Variants in ANKHD1 observed in about 807,000 individuals in gnomAD.
ANKHD1 encodes the protein ankyrin repeat and KH domain containing 1, also known as ankyrin repeat and KH domain-containing protein 1.
A neutral mutation model predicts 230.5 loss-of-function variants in ANKHD1; 31 were observed. That is an observed-to-expected ratio of 0.13 (90% CI 0.10 to 0.18). The LOEUF is 0.18. Ranked by LOEUF, ANKHD1 falls within the 10% of genes least tolerant of loss-of-function variation. The pLI, the probability that ANKHD1 is intolerant of heterozygous loss-of-function variation, is 1.00. For synonymous variants in ANKHD1, 1,074 were observed against 1,117.6 expected, an observed-to-expected ratio of 0.96 and a Z score of 0.78; for missense variants, 2,256 against 3,071.3, an observed-to-expected ratio of 0.73 and a Z score of 6.27.
chr5:140,519,916 A>G (rs1193509692), intron 24 of ANKHD1, among the ~76,000 whole-genome samples: 3 of 152,154 alleles, frequency 2.0e-5, no homozygotes, highest in East Asian at 3.9e-4. Context: ...ACAAAAGCCA[A>G]AATTGACAAA....
chr5:140,462,649 C>T (rs575774625), intron 9 of ANKHD1, among the ~76,000 whole-genome samples: 5 of 139,498 alleles, frequency 3.6e-5, no homozygotes, highest in South Asian at 4.5e-4. Context: ...GGCGTGAACC[C>T]GAGAGGCAGA....
Position 140,526,335 on chromosome 5 carries a change from G to A in ANKHD1, c.4832G>A (p.Ser1611Asn), listed in dbSNP as rs770688704. The A allele has an allele frequency of 9.3e-6, 15 of 1,614,050 alleles. No individual in the cohort carries two copies. The East Asian group carries it at 3.3e-4, about 36-fold the overall frequency. ...AGTGAGAGTAGCAGTGGTGGTAAAA[G>A]CCAAGAGTTAAATTTTGTGATGGAT... is the stretch of plus-strand genomic sequence containing the variant. ...CNSESSSGGK[S>N]QELNFVMDVN... Residue 1611 changes from serine (S) to asparagine (N), a missense_variant, in exon 26 of 34, where the codon AGC (serine) becomes AAC (asparagine). By Grantham distance (46) the Ser-to-Asn change is conservative (BLOSUM62 1). Around this residue, in one of 13 missense-constraint regions of ANKHD1, gnomAD observed 212 missense variants for 257.3 expected, o/e 0.82. Coordinates refer to ENST00000360839, the MANE Select transcript of ANKHD1 (RefSeq NM_017747.3).
At chr5:140,459,496 A>G in intron 9 of ANKHD1, 141 bp downstream of exon 9, 1 of 1,098,728 alleles carries the variant, frequency 9.1e-7, no homozygotes, top group Non-Finnish European at 1.2e-6. Context: ...GGAGGAGAGT[A>G]CACAAGGAGA....
At chr5:140,499,912 G>A (rs541001336) in intron 15 of ANKHD1, among the ~76,000 whole-genome samples, 5 of 148,396 alleles carry the variant, frequency 3.4e-5, no homozygotes, top group South Asian at 2.1e-4. Flanking sequence ...TCAGTCATCC[G>A]GGCTGGAGTG....
Position 140,507,723 on chromosome 5 carries a change from T to TG in ANKHD1, c.3552-61dup. ...TTTAGTGAAACCTTTTCATCTTTAA[T>TG]GCTTTTCTAAAATAATAGGCAACAT... On this transcript the variant is annotated intron_variant, in intron 19 of 33. Transcript: ENST00000360839. The surrounding 1 kb of genome is among the most constrained non-coding windows in gnomAD (Gnocchi z 4.1). 6.4e-7 allele frequency: 1 copy of TG among 1,572,210 alleles called. No individual in the cohort carries two copies. Among genetic ancestry groups the TG allele is most frequent in the Non-Finnish European group, 8.7e-7 (1 of 1,155,768 alleles).
At position 140,529,661 on chromosome 5, in the gene ANKHD1, A is replaced by C; in HGVS notation, c.6715A>C (p.Thr2239Pro). The C allele has an allele frequency of 1.9e-6, 3 of 1,614,224 alleles. No individual in the cohort carries two copies. The highest frequency in any genetic ancestry group is 2.5e-6 in the Non-Finnish European group (3 of 1,180,048). Reference sequence around the variant, plus strand: ...TGGTCCACTGTCCTCACGAGTTGCTACAGATGCCTCTTTCACTGTTCAGTC... The same window carrying C: ...TGGTCCACTGTCCTCACGAGTTGCTCCAGATGCCTCTTTCACTGTTCAGTC... ...GDGPLSSRVATDASFTVQSAF... is the reference protein window; with the variant it reads ...GDGPLSSRVAPDASFTVQSAF... The change falls in exon 29 of 34, where the codon ACA becomes CCA. Residue 2239 changes from threonine to proline, a missense_variant. Physicochemically the swap from Thr to Pro is conservative, Grantham distance 38 (BLOSUM62 -1). Coordinates refer to ENST00000360839, the MANE Select transcript of ANKHD1 (RefSeq NM_017747.3).
chr5:140,452,830 C>T (rs541825085), intron 7 of ANKHD1, among the ~76,000 whole-genome samples: 11 of 152,284 alleles, frequency 7.2e-5, no homozygotes, highest in Non-Finnish European at 8.8e-5. Flanking sequence ...TCCAAAGGAA[C>T]GCAGCTCCTC....
At chr5:140,465,773 T>C (rs987428335) in intron 10 of ANKHD1, among the ~76,000 whole-genome samples, 1 of 152,198 alleles carries the variant, frequency 6.6e-6, no homozygotes, top group East Asian at 1.9e-4. Context: ...TTCATTCTTA[T>C]TAATTAGGAC....
At chr5:140,415,778 T>A (rs1318316488) in intron 1 of ANKHD1, among the ~76,000 whole-genome samples, 2 of 151,918 alleles carry the variant, frequency 1.3e-5, no homozygotes, top group African/African-American at 4.8e-5. Context: ...AAATTTATTT[T>A]TATTTATTTA....
chr5:140,426,973 C>G (rs540558111), intron 1 of ANKHD1, among the ~76,000 whole-genome samples: 3 of 152,230 alleles, frequency 2.0e-5, no homozygotes, highest in Admixed American at 6.5e-5. Context: ...ACCTTTCCCC[C>G]CTTTCTATTC....
At chr5:140,515,512 C>T (rs561585806) in intron 24 of ANKHD1, among the ~76,000 whole-genome samples, 1 of 152,304 alleles carries the variant, frequency 6.6e-6, no homozygotes, top group South Asian at 2.1e-4. Flanking sequence ...GCGTGAGCGA[C>T]GCAGAAGACG....
At chr5:140,466,071 G>T (rs1028506382) in intron 10 of ANKHD1, among the ~76,000 whole-genome samples, 4 of 152,124 alleles carry the variant, frequency 2.6e-5, no homozygotes, top group African/African-American at 9.7e-5. Flanking sequence ...CAAAGTCACT[G>T]TCTTAACCTG....
At chr5:140,516,188 G>T (rs1284525218) in intron 24 of ANKHD1, among the ~76,000 whole-genome samples, 2 of 152,180 alleles carry the variant, frequency 1.3e-5, no homozygotes, top group Non-Finnish European at 2.9e-5. Context: ...CTGGAAGAAA[G>T]GGTATCAGCG....
chr5:140,467,800 G>A (rs527953411), intron 10 of ANKHD1, among the ~76,000 whole-genome samples: 5 of 152,236 alleles, frequency 3.3e-5, no homozygotes, highest in Admixed American at 2.0e-4. Context: ...GAGTAAAGCA[G>A]GCAGATTAGT....
chr5:140,496,461 CTTTTTTTTT>C, intron 14 of ANKHD1, 50 bp from the exon 15 acceptor site: 2 of 511,142 alleles, frequency 3.9e-6, no homozygotes, highest in African/African-American at 3.4e-5. Flanking sequence ...TTTTTCTTTT[CTTTTTTTTT>C]TTTTTTTTTT....
chr5:140,428,197 G>A (rs1425708544), intron 1 of ANKHD1, among the ~76,000 whole-genome samples: 3 of 151,130 alleles, frequency 2.0e-5, no homozygotes, highest in Admixed American at 6.6e-5. Flanking sequence ...GACGATGGGC[G>A]GCCAGGCAGA....
At position 140,524,168 on chromosome 5, in the gene ANKHD1, G is replaced by A; in HGVS notation, c.4420G>A (p.Asp1474Asn). The change falls in exon 25 of 34, where the codon GAT (aspartate) becomes AAT (asparagine). Residue 1474 changes from aspartate to asparagine, a missense_variant. By Grantham distance (23) the Asp-to-Asn change is conservative. Coordinates refer to ENST00000360839, the MANE Select transcript of ANKHD1 (RefSeq NM_017747.3). ...KEEQKRKQEE[D>N]EENKPKENSE... The stretch of plus-strand genomic sequence containing the variant: ...GGAACAGAAAAGGAAACAGGAAGAA[G>A]ATGAAGAAAACAAACCTAAGGAGAA... The A allele has an allele frequency of 6.2e-7, 1 of 1,600,620 alleles. No individual in the cohort carries two copies. The highest frequency in any genetic ancestry group is 8.5e-7 in the Non-Finnish European group (1 of 1,176,436).
intron 2 of ANKHD1, among the ~76,000 whole-genome samples, chr5:140,436,657 A>C (rs1298320388): frequency 6.6e-6 from 1 of 151,934 alleles, no homozygotes; most frequent in African/African-American, 2.4e-5. Context: ...GAGGCAGGAG[A>C]ATTGCTTGAA....
chr5:140,505,080 TTC>T, intron 16 of ANKHD1, 40 bp from the exon 17 acceptor site: 1 of 1,604,430 alleles, frequency 6.2e-7, no homozygotes, highest in African/African-American at 1.3e-5. Flanking sequence ...AATTGATAAC[TTC>T]TGTTAAAAAA....
Sources: allele counts gnomAD v4.1 joint callset (sites outside exome capture counted in the v4.1 genomes callset), GRCh38; gene constraint gnomAD v4.1.1; regional missense constraint gnomAD v4.1.1; non-coding constraint Gnocchi (gnomAD v3.1); transcripts MANE v1.5; gene names NCBI Gene and HGNC (gene_info 2026-07-23, HGNC 2026-07-21).